The following LPAR1 variants were observed in gnomAD, a reference collection of about 807,000 sequenced individuals.
LPAR1 encodes the protein lysophosphatidic acid receptor 1.
LPAR1 carries 5 observed loss-of-function variants against 23.8 expected under a neutral mutation model. That is an observed-to-expected ratio of 0.21 (90% CI 0.11 to 0.44). The LOEUF (loss-of-function observed/expected upper bound fraction) is 0.44. LPAR1 is among the 20% of genes least tolerant of loss of function. LPAR1 has a pLI of 0.99. For missense variants in LPAR1, 311 were observed against 482.8 expected (o/e 0.64, Z 3.33); for synonymous variants, 160 against 164.7 (o/e 0.97, Z 0.22).
At chr9:110,958,649 T>C (rs1324071755) in intron 4 of LPAR1, among the ~76,000 whole-genome samples, 3 of 152,132 alleles carry the variant, frequency 2.0e-5, no homozygotes, top group Non-Finnish European at 2.9e-5. Flanking sequence ...TTCGGGGCAC[T>C]GATCTAGGCA....
intron 5 of LPAR1, among the ~76,000 whole-genome samples, chr9:110,910,311 G>A (rs918381888): frequency 2.0e-5 from 3 of 151,830 alleles, no homozygotes; most frequent in African/African-American, 7.3e-5. Context: ...TCTATAAATG[G>A]AACAACAAAG....
chr9:111,030,112 A>G (rs566451584), intron 2 of LPAR1, among the ~76,000 whole-genome samples: 1 of 152,092 alleles, frequency 6.6e-6, no homozygotes, highest in Admixed American at 6.5e-5. Context: ...GAAGTTCTCC[A>G]AGATATCAGC....
intron 5 of LPAR1, chr9:110,934,418 T>C (rs989355348): frequency 1.3e-5 from 2 of 152,138 alleles, no homozygotes; most frequent in Admixed American, 1.3e-4. Flanking sequence ...CTGGTCTGAG[T>C]GCAGGGACGT....
intron 2 of LPAR1, among the ~76,000 whole-genome samples, chr9:111,015,742 TGGA>T (rs996153292): frequency 3.3e-5 from 5 of 152,096 alleles, no homozygotes; most frequent in African/African-American, 1.2e-4. Flanking sequence ...GTCAGTGAAA[TGGA>T]GGAAAAATAA....
intron 5 of LPAR1, among the ~76,000 whole-genome samples, chr9:110,898,497 G>T (rs2087287921): frequency 6.6e-6 from 1 of 152,154 alleles, no homozygotes; most frequent in South Asian, 2.1e-4. Flanking sequence ...GAGTCAGTAT[G>T]AAACTATAAG....
intron 5 of LPAR1, among the ~76,000 whole-genome samples, chr9:110,940,154 T>C (rs1316320136): frequency 6.6e-6 from 1 of 152,208 alleles, no homozygotes; most frequent in Non-Finnish European, 1.5e-5. Flanking sequence ...GTTTTAGGTG[T>C]GTCAGTGATC....
At chr9:110,999,848 G>C (rs535622348) in intron 2 of LPAR1, among the ~76,000 whole-genome samples, 3 of 152,042 alleles carry the variant, frequency 2.0e-5, no homozygotes, top group African/African-American at 7.2e-5. Flanking sequence ...GAAACTACAC[G>C]CACACGCCAC....
chr9:111,005,585 T>TGGGAAGGA (rs146875499), intron 2 of LPAR1, among the ~76,000 whole-genome samples: 12,333 of 136,096 alleles, frequency 0.091, 841 homozygotes, highest in African/African-American at 0.21. Context: ...AAAGAAGAAT[T>TGGGAAGGA]GGGAAGGAGG....
intron 2 of LPAR1, among the ~76,000 whole-genome samples, chr9:111,007,450 T>C (rs978510152): frequency 6.6e-6 from 1 of 152,088 alleles, no homozygotes; most frequent in African/African-American, 2.4e-5. Context: ...TAGATGAGCA[T>C]CCCAATAGAA....
rs2097787993 is a variant in LPAR1 at position 111,031,214 on chromosome 9, C to A, written c.-182+4908G>T. ...TTGTATCCCTGAGTGACTTCAAGAT[C>A]ATAAGTGAAATACATTAGTGAAGCA... On this transcript the variant is annotated intron_variant, in intron 2 of 5. Transcript: ENST00000683809. 2.6e-5 allele frequency among the ~76,000 whole-genome samples: 4 copies of A among 151,882 alleles called. No individual in the cohort carries two copies. In the South Asian group the frequency reaches 8.3e-4, roughly 32 times the overall value.
chr9:110,873,440 CCCACATTCTTTTCA>C lies in LPAR1; in HGVS notation c.*1967_*1980del, dbSNP rs1228602081. On this transcript the variant is annotated 3_prime_UTR_variant, in exon 6 of 6. Transcript: ENST00000683809. Reference sequence around the variant, plus strand: ...CAAACACCTTTCTGCTAATCGGGTCCCCACATTCTTTTCACTACAGGTACTTTACAAGTCTGCCC... The same window carrying C: ...CAAACACCTTTCTGCTAATCGGGTCCCTACAGGTACTTTACAAGTCTGCCC... 1 of 152,096 alleles carries C rather than the reference CCCACATTCTTTTCA, an allele frequency of 6.6e-6. No homozygotes were observed. Among genetic ancestry groups the C allele is most frequent in the East Asian group, 1.9e-4 (1 of 5,190 alleles). The allele number at this position is 152,096 out of a possible 1,614,324, so 9.4% of individuals were successfully genotyped here. A position where few individuals can be genotyped will look rare whatever the true frequency, so the allele number is the denominator to read the frequency against.
chr9:111,025,148 T>A (rs1343214743), intron 2 of LPAR1, among the ~76,000 whole-genome samples: 1 of 152,214 alleles, frequency 6.6e-6, no homozygotes, highest in Non-Finnish European at 1.5e-5. Flanking sequence ...ATGGTTGAAC[T>A]AATTTACACT....
intron 5 of LPAR1, among the ~76,000 whole-genome samples, chr9:110,927,083 G>A (rs1003031020): frequency 6.6e-6 from 1 of 152,206 alleles, no homozygotes; most frequent in Non-Finnish European, 1.5e-5. Flanking sequence ...CTGACGTAGC[G>A]AAGTCCTTCG....
Position 110,885,468 on chromosome 9 carries a change from T to C in LPAR1, c.794-9746A>G, listed in dbSNP as rs575356153. Among the ~76,000 whole-genome samples the C allele has an allele frequency of 4.6e-5, 7 of 152,318 alleles. No individual in the cohort carries two copies. In the South Asian group the frequency reaches 1.5e-3, roughly 32 times the overall value. On this transcript the variant is annotated intron_variant, in intron 5 of 5. Transcript: ENST00000683809. ...AGATGTGTTCCTCTGAATGTTCTTATCTACAAATAGAACAAATAAAGTCAG... is the reference window on the plus strand; with the variant it reads ...AGATGTGTTCCTCTGAATGTTCTTACCTACAAATAGAACAAATAAAGTCAG...
chr9:111,037,853 AG>A (rs1275289955), intron 1 of LPAR1: 1 of 152,236 alleles, frequency 6.6e-6, no homozygotes, highest in Non-Finnish European at 1.5e-5. Context: ...GGCGCGGGAC[AG>A]GAGGGCCGGC....
chr9:110,899,452 A>G (rs1253469239), intron 5 of LPAR1, among the ~76,000 whole-genome samples: 1 of 152,216 alleles, frequency 6.6e-6, no homozygotes, highest in Admixed American at 6.5e-5. Flanking sequence ...GAAATAATAC[A>G]CAGACCTGGC....
In LPAR1 at chr9:110,941,385, A is replaced by G. The variant is rs756340862; in HGVS notation, c.793+36T>C. 96 of 1,550,702 alleles carry G rather than the reference A, an allele frequency of 6.2e-5. No individual in the cohort carries two copies. In the South Asian group the frequency reaches 1.1e-3, roughly 18 times the overall value. Reference sequence around the variant, plus strand: ...ATGTGGTTTATGTTAGTCACTGAGAATCTATAAAGTAAGTTACAGTCAAGA... The same window carrying G: ...ATGTGGTTTATGTTAGTCACTGAGAGTCTATAAAGTAAGTTACAGTCAAGA... On this transcript the variant is annotated intron_variant, in intron 5 of 5. Coordinates refer to ENST00000683809, the MANE Select transcript of LPAR1 (RefSeq NM_001351411.2). This position sits in a 1 kb window ranked among gnomAD's most constrained non-coding sequence, Gnocchi z 6.1.
intron 2 of LPAR1, among the ~76,000 whole-genome samples, chr9:110,998,597 C>T (rs193072694): frequency 5.3e-4 from 80 of 152,274 alleles, no homozygotes; most frequent in African/African-American, 1.7e-3. Context: ...TCCCGGCAAG[C>T]GTCTACAACA....
chr9:110,976,296 G>A (rs1169069350), intron 2 of LPAR1, among the ~76,000 whole-genome samples: 1 of 146,674 alleles, frequency 6.8e-6, no homozygotes, highest in Non-Finnish European at 1.5e-5. Context: ...TTCAAGACCA[G>A]CCTGGCCAAG....
Sources: allele counts gnomAD v4.1 joint callset (sites outside exome capture counted in the v4.1 genomes callset), GRCh38; gene constraint gnomAD v4.1.1; non-coding constraint Gnocchi (gnomAD v3.1); transcripts MANE v1.5; gene names NCBI Gene and HGNC (gene_info 2026-07-23, HGNC 2026-07-21).